HYCC2: variants seen among roughly 807,000 people sequenced by gnomAD.
The protein encoded by HYCC2 is hyccin PI4KA lipid kinase complex subunit 2, also known as hyccin 2.
the HYCC2 span, chr2:201,063,039 G>A: frequency 4.4e-6 from 7 of 1,601,676 alleles, no homozygotes; most frequent in Admixed American, 1.7e-5. Context: ...CTTTCTGCCC[G>A]TGGACGCCGC....
chr2:201,026,757 T>C, the HYCC2 span, among the ~76,000 whole-genome samples: 2 of 152,210 alleles, frequency 1.3e-5, no homozygotes, highest in African/African-American at 4.8e-5. Context: ...AGATGTTCTT[T>C]GAAACCAATG....
the HYCC2 span, chr2:200,975,527 T>C: frequency 6.6e-6 from 1 of 152,104 alleles, no homozygotes; most frequent in African/African-American, 2.4e-5. Context: ...AAGCTACACC[T>C]AATTCCATTT....
At chr2:201,048,878 C>T in the HYCC2 span, among the ~76,000 whole-genome samples, 1 of 152,118 alleles carries the variant, frequency 6.6e-6, no homozygotes, top group Middle Eastern at 3.4e-3. Flanking sequence ...CCTATGATTA[C>T]AGCATTTTGG....
chr2:201,006,376 G>T, the HYCC2 span, among the ~76,000 whole-genome samples: 1 of 149,200 alleles, frequency 6.7e-6, no homozygotes, highest in South Asian at 2.1e-4. Flanking sequence ...CCTGACCTCA[G>T]GTGATCCACC....
chr2:201,038,727 C>T, the HYCC2 span, among the ~76,000 whole-genome samples: 1 of 151,874 alleles, frequency 6.6e-6, no homozygotes, highest in African/African-American at 2.4e-5. Context: ...GGGAACATCA[C>T]ACACCGGGGC....
chr2:201,049,495 C>A, the HYCC2 span, among the ~76,000 whole-genome samples: 1 of 151,246 alleles, frequency 6.6e-6, no homozygotes, highest in Admixed American at 6.6e-5. Flanking sequence ...GGAATACAGG[C>A]GCGTGCCACC....
the HYCC2 span, among the ~76,000 whole-genome samples, chr2:201,009,610 C>G: frequency 9.9e-5 from 15 of 152,228 alleles, no homozygotes; most frequent in African/African-American, 3.6e-4. Flanking sequence ...CAGGTACCCA[C>G]TACCACATCC....
At chr2:201,032,221 C>T in the HYCC2 span, among the ~76,000 whole-genome samples, 1 of 152,174 alleles carries the variant, frequency 6.6e-6, no homozygotes, top group African/African-American at 2.4e-5. Context: ...CTTGGCCTCC[C>T]ACAGTCCTGG....
At chr2:201,061,422 C>T in the HYCC2 span, 4 of 150,878 alleles carry the variant, frequency 2.7e-5, no homozygotes, top group African/African-American at 9.7e-5. Flanking sequence ...AGCGAAACTC[C>T]ATCTGAAAAA....
At chr2:201,063,719 A>G in the HYCC2 span, 5 of 1,580,506 alleles carry the variant, frequency 3.2e-6, no homozygotes, top group Non-Finnish European at 4.3e-6. Flanking sequence ...AGGTGGTTTC[A>G]GTGGGAATGA....
At chr2:201,024,550 C>G in the HYCC2 span, among the ~76,000 whole-genome samples, 351 of 152,286 alleles carry the variant, frequency 2.3e-3, no homozygotes, top group Non-Finnish European at 3.3e-3. Flanking sequence ...TATCCTAATG[C>G]TTTCATATTT....
chr2:200,985,074 A>G, the HYCC2 span, among the ~76,000 whole-genome samples: 2 of 151,508 alleles, frequency 1.3e-5, no homozygotes, highest in Non-Finnish European at 2.9e-5. Flanking sequence ...CTGTGCCACT[A>G]CACTCCAGCC....
At chr2:201,043,168 T>C in the HYCC2 span, among the ~76,000 whole-genome samples, 1 of 152,170 alleles carries the variant, frequency 6.6e-6, no homozygotes, top group African/African-American at 2.4e-5. Context: ...CTGTGTCCAC[T>C]AAGGGTTAAA....
the HYCC2 span, among the ~76,000 whole-genome samples, chr2:201,058,491 G>A: frequency 1.3e-5 from 2 of 152,196 alleles, no homozygotes; most frequent in East Asian, 1.9e-4. Flanking sequence ...CGGGTGGATC[G>A]CTTGAGGTCA....
At chr2:201,007,121 T>C in the HYCC2 span, among the ~76,000 whole-genome samples, 7 of 152,240 alleles carry the variant, frequency 4.6e-5, no homozygotes, top group Non-Finnish European at 7.3e-5. Context: ...ATACTAAATG[T>C]AGATGCCCAG....
At chr2:200,990,335 G>A in the HYCC2 span, among the ~76,000 whole-genome samples, 3 of 152,144 alleles carry the variant, frequency 2.0e-5, no homozygotes, top group African/African-American at 4.8e-5. Context: ...GATAGTCAGA[G>A]TTGTGTCATA....
the HYCC2 span, among the ~76,000 whole-genome samples, chr2:201,027,378 C>T: frequency 1.3e-5 from 2 of 152,112 alleles, no homozygotes; most frequent in African/African-American, 4.8e-5. Context: ...TGAATTCTAC[C>T]AGAGGTACAA....
the HYCC2 span, chr2:201,022,036 GC>G: frequency 7.8e-7 from 1 of 1,280,872 alleles, no homozygotes; most frequent in Non-Finnish European, 1.0e-6. Flanking sequence ...TTTAAGTTAA[GC>G]TGCTGGTTAG....
chr2:201,051,535 T>C, the HYCC2 span, among the ~76,000 whole-genome samples: 4 of 152,174 alleles, frequency 2.6e-5, no homozygotes, highest in Non-Finnish European at 4.4e-5. Flanking sequence ...AAAAAATCAA[T>C]TGTTTCTATA....
Sources: gnomAD v4.1 joint callset for allele counts (sites outside exome capture counted in the v4.1 genomes callset) on GRCh38, gnomAD v4.1.1 for gene constraint, MANE v1.5 for transcripts, NCBI Gene and HGNC (gene_info 2026-07-23, HGNC 2026-07-21) for gene names.